LRRTM4: variants seen among roughly 807,000 people sequenced by gnomAD.
LRRTM4 encodes leucine-rich repeat transmembrane neuronal protein 4.
In LRRTM4, 25 loss-of-function variants were observed where a neutral mutation model predicts 47.6. The observed-to-expected ratio is 0.53, with a 90% confidence interval of 0.38 to 0.73. LRRTM4 has a LOEUF of 0.73. Ranked by LOEUF, LRRTM4 falls within the 30% of genes least tolerant of loss-of-function variation. The pLI, the probability that LRRTM4 is intolerant of heterozygous loss-of-function variation, is 0.00. For synonymous variants in LRRTM4, 311 were observed against 269.5 expected (o/e 1.15, Z -1.51); for missense variants, 638 against 713.4 (o/e 0.89, Z 1.20).
chr2:76,878,297 T>C (rs1184933880), intron 3 of LRRTM4, among the ~76,000 whole-genome samples: 1 of 152,080 alleles, frequency 6.6e-6, no homozygotes, highest in East Asian at 1.9e-4. Flanking sequence ...TCTCTCTCTC[T>C]CCTTGGGTCT....
At chr2:77,303,392 C>G (rs1267806316) in intron 3 of LRRTM4, among the ~76,000 whole-genome samples, 1 of 152,278 alleles carries the variant, frequency 6.6e-6, no homozygotes, top group South Asian at 2.1e-4. Flanking sequence ...GCAGAGAAGA[C>G]ATTTATAATT....
intron 3 of LRRTM4, among the ~76,000 whole-genome samples, chr2:76,823,998 G>A (rs939798953): frequency 1.3e-5 from 2 of 149,210 alleles, no homozygotes; most frequent in African/African-American, 5.1e-5. Flanking sequence ...CAGTGACAGA[G>A]AGAAATTTGT....
intron 3 of LRRTM4, among the ~76,000 whole-genome samples, chr2:77,147,358 G>C (rs1160887704): frequency 6.6e-6 from 1 of 152,112 alleles, no homozygotes; most frequent in Non-Finnish European, 1.5e-5. Context: ...TATGTTCCAG[G>C]AGCACATTTA....
At chr2:76,911,079 G>T (rs1343467293) in intron 3 of LRRTM4, among the ~76,000 whole-genome samples, 2 of 152,064 alleles carry the variant, frequency 1.3e-5, no homozygotes, top group Admixed American at 6.5e-5. Context: ...TTTTACTTAG[G>T]TAATAATATG....
chr2:76,899,796 A>C (rs915922707), intron 3 of LRRTM4, among the ~76,000 whole-genome samples: 2 of 152,238 alleles, frequency 1.3e-5, no homozygotes, highest in African/African-American at 2.4e-5. Context: ...TATAACAAAA[A>C]GTAATTCACT....
chr2:77,183,955 A>C (rs1673427338), intron 3 of LRRTM4, among the ~76,000 whole-genome samples: 1 of 152,092 alleles, frequency 6.6e-6, no homozygotes, highest in Non-Finnish European at 1.5e-5. Context: ...GGGGGAATGG[A>C]TAGAATTAGG....
intron 3 of LRRTM4, among the ~76,000 whole-genome samples, chr2:77,307,361 A>C (rs1249658954): frequency 6.6e-6 from 1 of 151,196 alleles, no homozygotes; most frequent in African/African-American, 2.4e-5. Flanking sequence ...AATATTTCAT[A>C]TTTCAGGAAT....
At chr2:77,163,370 T>A (rs973407564) in intron 3 of LRRTM4, among the ~76,000 whole-genome samples, 2 of 152,146 alleles carry the variant, frequency 1.3e-5, no homozygotes, top group African/African-American at 4.8e-5. Flanking sequence ...CTGAAAGTGA[T>A]GGGGATAATG....
At chr2:77,007,847 T>C (rs1677715133) in intron 3 of LRRTM4, among the ~76,000 whole-genome samples, 1 of 151,460 alleles carries the variant, frequency 6.6e-6, no homozygotes, top group Admixed American at 6.6e-5. Flanking sequence ...TACAACTCCA[T>C]AATCTACACC....
At chr2:76,763,449 C>A (rs1673335333) in intron 3 of LRRTM4, among the ~76,000 whole-genome samples, 1 of 152,212 alleles carries the variant, frequency 6.6e-6, no homozygotes, top group Non-Finnish European at 1.5e-5. Flanking sequence ...TGTGAGCACA[C>A]AGTCTGTGGT....
In LRRTM4 at chr2:77,420,840, T is replaced by G. The variant is rs148134077; in HGVS notation, c.1551+97478A>C. 2.0e-3 allele frequency among the ~76,000 whole-genome samples: 297 copies of G among 146,372 alleles called. 2 individuals are homozygous for G. Among genetic ancestry groups the G allele is most frequent in the African/African-American group, 7.0e-3 (284 of 40,330 alleles). On this transcript the variant is annotated intron_variant, in intron 3 of 3. Coordinates refer to ENST00000409884, the MANE Select transcript of LRRTM4 (RefSeq NM_001134745.3). ...TATATTACCCTTAAGACTTAAGTCT[T>G]AAGGCCCTTTCAGTGGACAAAATGG...
intron 3 of LRRTM4, among the ~76,000 whole-genome samples, chr2:77,246,339 A>G (rs989246209): frequency 6.6e-6 from 1 of 152,204 alleles, no homozygotes; most frequent in Non-Finnish European, 1.5e-5. Context: ...CTCAGAAGGC[A>G]TGGGTCCAAT....
chr2:77,280,739 G>C (rs1676486623), intron 3 of LRRTM4, among the ~76,000 whole-genome samples: 1 of 151,888 alleles, frequency 6.6e-6, no homozygotes, highest in Non-Finnish European at 1.5e-5. Flanking sequence ...TAAGAATGTT[G>C]GAGCATACAT....
intron 3 of LRRTM4, among the ~76,000 whole-genome samples, chr2:77,465,561 C>T (rs749000826): frequency 1.3e-5 from 2 of 152,044 alleles, no homozygotes; most frequent in Admixed American, 6.6e-5. Flanking sequence ...GGTTGCTCTA[C>T]GGTTGTTATT....
intron 3 of LRRTM4, among the ~76,000 whole-genome samples, chr2:77,018,276 T>TC (rs1678144829): frequency 6.7e-6 from 1 of 148,654 alleles, no homozygotes; most frequent in South Asian, 2.1e-4. Context: ...TTTTTTTTTT[T>TC]TGTCTTTGTT....
In LRRTM4 at chr2:77,072,817, A is replaced by AT. The variant is rs1025875603; in HGVS notation, c.1552-323902_1552-323901insA. On this transcript the variant is annotated intron_variant, in intron 3 of 3. Coordinates refer to ENST00000409884, the MANE Select transcript of LRRTM4 (RefSeq NM_001134745.3). ...CCGTCTTCCAAAAAAAAAAAAAAAA[A>AT]AAAAAACAAAGGCTGCCTTACAGTT... is the stretch of plus-strand genomic sequence containing the variant. Among the ~76,000 whole-genome samples the AT allele has an allele frequency of 2.6e-5, 4 of 151,580 alleles. 1 individual carries two copies. Among genetic ancestry groups the AT allele is most frequent in the African/African-American group, 9.7e-5 (4 of 41,280 alleles).
At chr2:77,276,065 A>C (rs1200187318) in intron 3 of LRRTM4, among the ~76,000 whole-genome samples, 1 of 152,072 alleles carries the variant, frequency 6.6e-6, no homozygotes, top group Admixed American at 6.6e-5. Context: ...GTAGAATCCC[A>C]AAACTAACAA....
intron 3 of LRRTM4, among the ~76,000 whole-genome samples, chr2:77,339,318 T>G (rs1330892919): frequency 6.6e-6 from 1 of 152,062 alleles, no homozygotes; most frequent in Non-Finnish European, 1.5e-5. Context: ...TTAAGAATTT[T>G]TTCAAATGAC....
At chr2:77,226,972 T>A (rs1383456483) in intron 3 of LRRTM4, among the ~76,000 whole-genome samples, 1 of 152,064 alleles carries the variant, frequency 6.6e-6, no homozygotes, top group South Asian at 2.1e-4. Flanking sequence ...TTTCAATATG[T>A]TGCCTTATAC....
Sources: allele counts gnomAD v4.1 joint callset (sites outside exome capture counted in the v4.1 genomes callset), GRCh38; gene constraint gnomAD v4.1.1; transcripts MANE v1.5; gene names NCBI Gene and HGNC (gene_info 2026-07-23, HGNC 2026-07-21).